The following NRG3 variants were observed in gnomAD, a reference collection of about 807,000 sequenced individuals.
The protein encoded by NRG3 is neuregulin 3, also known as pro-neuregulin-3, membrane-bound isoform.
In NRG3, 31 loss-of-function variants were observed where a neutral mutation model predicts 66.9. The observed-to-expected ratio is 0.46, with a 90% CI of 0.35 to 0.63. The LOEUF is 0.63. Ranked by LOEUF, NRG3 falls within the 20% of genes least tolerant of loss-of-function variation. NRG3 has a pLI of 0.00. For synonymous variants in NRG3, 393 were observed against 359.4 expected (o/e 1.09, Z -1.06); for missense variants, 910 against 878.9 (o/e 1.04, Z -0.45).
At chr10:82,949,457 T>G (rs1250978211) in intron 4 of NRG3, among the ~76,000 whole-genome samples, 3 of 152,078 alleles carry the variant, frequency 2.0e-5, no homozygotes, top group African/African-American at 7.2e-5. Context: ...TAGGAAACAA[T>G]GAACACCAAA....
At chr10:82,912,155 G>A (rs188019496) in intron 4 of NRG3, among the ~76,000 whole-genome samples, 2 of 152,258 alleles carry the variant, frequency 1.3e-5, no homozygotes, top group East Asian at 3.9e-4. Context: ...GTTAGATTAA[G>A]TCTTCTATAA....
chr10:82,685,052 C>G (rs2054406578), intron 2 of NRG3, among the ~76,000 whole-genome samples: 2 of 151,704 alleles, frequency 1.3e-5, no homozygotes, highest in African/African-American at 4.8e-5. Context: ...AGTAAGAAGG[C>G]CTTAGTTTTG....
At chr10:82,308,115 T>C (rs1375140523) in intron 1 of NRG3, among the ~76,000 whole-genome samples, 2 of 152,164 alleles carry the variant, frequency 1.3e-5, no homozygotes, top group African/African-American at 4.8e-5. Flanking sequence ...ACAAGAAGTA[T>C]AGTTTTTGAA....
intron 1 of NRG3, among the ~76,000 whole-genome samples, chr10:82,172,878 A>G (rs779557238): frequency 1.3e-5 from 2 of 152,090 alleles, no homozygotes; most frequent in Non-Finnish European, 2.9e-5. Context: ...GCAACCCATC[A>G]TAGTTATTTT....
At chr10:81,980,100 A>T (rs550844569) in intron 1 of NRG3, among the ~76,000 whole-genome samples, 1 of 152,334 alleles carries the variant, frequency 6.6e-6, no homozygotes, top group Admixed American at 6.5e-5. Context: ...TCATTCACTT[A>T]TCTATTCCGT....
intron 2 of NRG3, among the ~76,000 whole-genome samples, chr10:82,655,972 G>A (rs2051816541): frequency 6.6e-6 from 1 of 152,038 alleles, no homozygotes; most frequent in Admixed American, 6.6e-5. Context: ...ACTGATATTT[G>A]ACATTTTTAA....
At chr10:82,087,106 C>T (rs1241189025) in intron 1 of NRG3, among the ~76,000 whole-genome samples, 1 of 152,136 alleles carries the variant, frequency 6.6e-6, no homozygotes, top group Non-Finnish European at 1.5e-5. Context: ...AGGCAATAAT[C>T]ATCATGGCTT....
At chr10:82,919,004 A>T (rs1312325492) in intron 4 of NRG3, among the ~76,000 whole-genome samples, 2 of 151,898 alleles carry the variant, frequency 1.3e-5, no homozygotes, top group Non-Finnish European at 2.9e-5. Flanking sequence ...AATGCCTTTA[A>T]ACCAATCACT....
chr10:82,389,680 A>G (rs978684003), intron 2 of NRG3, among the ~76,000 whole-genome samples: 6 of 152,314 alleles, frequency 3.9e-5, no homozygotes, highest in African/African-American at 1.4e-4. Flanking sequence ...TGAAATCAAC[A>G]TTACAGGTAA....
At chr10:81,977,445 T>C (rs2060165612) in intron 1 of NRG3, among the ~76,000 whole-genome samples, 1 of 152,232 alleles carries the variant, frequency 6.6e-6, no homozygotes, top group Non-Finnish European at 1.5e-5. Flanking sequence ...TTTATTATTT[T>C]ATAGGCTTAA....
At chr10:82,553,329 A>AC (rs1352200770) in intron 2 of NRG3, among the ~76,000 whole-genome samples, 1 of 151,672 alleles carries the variant, frequency 6.6e-6, no homozygotes, top group Non-Finnish European at 1.5e-5. Flanking sequence ...TGAGAACCGC[A>AC]CCCCCCACAC....
At chr10:82,899,817 A>C (rs1008563699) in intron 4 of NRG3, among the ~76,000 whole-genome samples, 2 of 152,226 alleles carry the variant, frequency 1.3e-5, no homozygotes, top group Non-Finnish European at 2.9e-5. Flanking sequence ...ACTAATAGGC[A>C]GGTCTGCTCT....
intron 2 of NRG3, among the ~76,000 whole-genome samples, chr10:82,510,007 C>T (rs1845028288): frequency 6.6e-6 from 1 of 152,136 alleles, no homozygotes; most frequent in Non-Finnish European, 1.5e-5. Flanking sequence ...CCCTGTGCTG[C>T]TTACCAACTA....
intron 2 of NRG3, among the ~76,000 whole-genome samples, chr10:82,563,126 T>C (rs1251971556): frequency 6.6e-6 from 1 of 152,204 alleles, no homozygotes; most frequent in African/African-American, 2.4e-5. Flanking sequence ...ATAGTCATTT[T>C]TTAAATGGAC....
intron 2 of NRG3, among the ~76,000 whole-genome samples, chr10:82,411,547 C>G (rs1026288224): frequency 1.2e-4 from 18 of 152,116 alleles, no homozygotes; most frequent in Non-Finnish European, 4.4e-5. Context: ...GATATTTCCT[C>G]CACTCCTTAG....
chr10:82,823,959 T>C (rs2062068641), intron 3 of NRG3, among the ~76,000 whole-genome samples: 1 of 152,170 alleles, frequency 6.6e-6, no homozygotes, highest in Non-Finnish European at 1.5e-5. Context: ...TCTCATCACC[T>C]GCCTGCCAAT....
At chr10:82,075,497 A>G (rs2065040548) in intron 1 of NRG3, among the ~76,000 whole-genome samples, 1 of 152,186 alleles carries the variant, frequency 6.6e-6, no homozygotes, top group Admixed American at 6.5e-5. Flanking sequence ...TGTGAATCTC[A>G]TGGTCAGCCC....
intron 3 of NRG3, among the ~76,000 whole-genome samples, chr10:82,753,054 C>T (rs1186977724): frequency 1.3e-5 from 2 of 151,976 alleles, no homozygotes; most frequent in African/African-American, 4.8e-5. Context: ...ATATATGTAC[C>T]TTTATAGACC....
intron 1 of NRG3, among the ~76,000 whole-genome samples, chr10:82,334,136 CAA>C (rs34320765): frequency 2.4e-4 from 22 of 89,884 alleles, no homozygotes; most frequent in Admixed American, 8.2e-4. Context: ...CATGGCGTCT[CAA>C]AAAAAAAAAA....
Sources: gnomAD v4.1 joint callset for allele counts (sites outside exome capture counted in the v4.1 genomes callset) on GRCh38, gnomAD v4.1.1 for gene constraint, MANE v1.5 for transcripts, NCBI Gene and HGNC (gene_info 2026-07-23, HGNC 2026-07-21) for gene names.